Variants in DNAJC1 observed in about 807,000 individuals in gnomAD.
DNAJC1 encodes DnaJ heat shock protein family (Hsp40) member C1.
DNAJC1 carries 58 observed loss-of-function variants against 76.6 expected under a neutral mutation model. The observed-to-expected ratio is 0.76, with a 90% CI of 0.61 to 0.94. The LOEUF (loss-of-function observed/expected upper bound fraction) is 0.94, where lower values mean the gene tolerates loss of function less well. Ranked by LOEUF, DNAJC1 falls within the 40% of genes least tolerant of loss-of-function variation. DNAJC1 has a pLI of 0.00. For missense variants in DNAJC1, 689 were observed against 677.3 expected (o/e 1.02, Z -0.19); for synonymous variants, 258 against 267.9 (o/e 0.96, Z 0.36).
At chr10:21,833,125 T>C (rs56285188) in intron 8 of DNAJC1, among the ~76,000 whole-genome samples, 5 of 152,364 alleles carry the variant, frequency 3.3e-5, no homozygotes, top group African/African-American at 1.2e-4. Context: ...AATATGCTTA[T>C]TTAGCTCTTT....
intron 8 of DNAJC1, among the ~76,000 whole-genome samples, chr10:21,874,455 A>G (rs897737144): frequency 1.3e-5 from 2 of 151,952 alleles, no homozygotes; most frequent in African/African-American, 4.8e-5. Flanking sequence ...AAAGAGAGAG[A>G]TGAGGTACAA....
At chr10:21,973,009 A>C (rs1838004386) in intron 1 of DNAJC1, among the ~76,000 whole-genome samples, 1 of 152,146 alleles carries the variant, frequency 6.6e-6, no homozygotes, top group South Asian at 2.1e-4. Flanking sequence ...TAGTTAACTG[A>C]AGTAAAGAAA....
In DNAJC1 at chr10:21,875,652, G is replaced by A. The variant is rs113184594; in HGVS notation, c.978+6630C>T. ...ATTAGAATTAAAAAATAAGCTAGGC[G>A]TGGTGGCTCACACCTGTAATCCCAA... On this transcript the variant is annotated intron_variant, in intron 8 of 11. Coordinates refer to ENST00000376980, the MANE Select transcript of DNAJC1 (RefSeq NM_022365.4). 1.3e-4 allele frequency among the ~76,000 whole-genome samples: 20 copies of A among 152,286 alleles called. 1 individual carries two copies. The highest frequency in any genetic ancestry group is 2.4e-4 in the African/African-American group (10 of 41,576).
rs567967883 is a variant in DNAJC1, at chr10:21,903,162, G to A, written c.820+1360C>T. Among the ~76,000 whole-genome samples, 112 of 152,156 alleles carry A rather than the reference G, an allele frequency of 7.4e-4. No individual in the cohort carries two copies. In the East Asian group the frequency reaches 7.9e-3, roughly 11 times the overall value. Reference sequence around the variant, plus strand: ...CTGGTCTCCTGACCTCAGGTGATCCGCCCGCCTCGGCCTCCAAAAGAGCTG... The same window carrying A: ...CTGGTCTCCTGACCTCAGGTGATCCACCCGCCTCGGCCTCCAAAAGAGCTG... On this transcript the variant is annotated intron_variant, in intron 7 of 11. Coordinates refer to ENST00000376980, the MANE Select transcript of DNAJC1 (RefSeq NM_022365.4).
intron 8 of DNAJC1, among the ~76,000 whole-genome samples, chr10:21,848,317 G>A (rs948727176): frequency 2.1e-4 from 32 of 151,732 alleles, no homozygotes; most frequent in Admixed American, 2.0e-3. Flanking sequence ...ATTTGCTATT[G>A]AGTTGAGTTT....
intron 1 of DNAJC1, among the ~76,000 whole-genome samples, chr10:21,953,894 TTCC>T (rs1413168627): frequency 2.0e-5 from 3 of 151,218 alleles, no homozygotes; most frequent in Non-Finnish European, 4.4e-5. Flanking sequence ...CTTACACACT[TTCC>T]TTTGTTAGTT....
chr10:21,842,312 G>A (rs748743906), intron 8 of DNAJC1, among the ~76,000 whole-genome samples: 24 of 151,556 alleles, frequency 1.6e-4, no homozygotes, highest in South Asian at 4.1e-4. Flanking sequence ...GGATAATAGC[G>A]AAGAAAGTAT....
At position 22,003,584 on chromosome 10, in the gene DNAJC1, A is replaced by C; in HGVS notation, c.-150T>G. On this transcript the variant is annotated 5_prime_UTR_variant, in exon 1 of 12. Coordinates refer to ENST00000376980, the MANE Select transcript of DNAJC1 (RefSeq NM_022365.4). ...CGGCCCGCCAGGTGGCTGGCCCCAGACAGAGCGCGGAGGCGGCGGGAGCCG... is the reference window on the plus strand; with the variant it reads ...CGGCCCGCCAGGTGGCTGGCCCCAGCCAGAGCGCGGAGGCGGCGGGAGCCG... 2.2e-5 allele frequency: 21 copies of C among 956,988 alleles called. No individual in the cohort carries two copies. The highest frequency in any genetic ancestry group is 4.0e-5 in the South Asian group (1 of 24,920). 59.3% of individuals were successfully genotyped at this position (956,988 alleles called of 1,614,324 possible). A position where few individuals can be genotyped will look rare whatever the true frequency, so the allele number is the denominator to read the frequency against.
chr10:21,864,494 C>T (rs1251281739), intron 8 of DNAJC1, among the ~76,000 whole-genome samples: 6 of 151,296 alleles, frequency 4.0e-5, no homozygotes, highest in East Asian at 3.9e-4. Context: ...TGGTGGCATG[C>T]GCCTGTAGTC....
intron 8 of DNAJC1, among the ~76,000 whole-genome samples, chr10:21,833,093 C>T (rs2131670210): frequency 6.6e-6 from 1 of 152,310 alleles, no homozygotes; most frequent in South Asian, 2.1e-4. Context: ...GTACTTTAAA[C>T]CTCTCACAAA....
intron 3 of DNAJC1, among the ~76,000 whole-genome samples, chr10:21,925,538 A>G (rs1837113480): frequency 1.3e-5 from 2 of 152,172 alleles, no homozygotes; most frequent in Admixed American, 1.3e-4. Context: ...AACAACCCAC[A>G]TGTCCATCAA....
chr10:21,946,973 C>T (rs1397511165), intron 1 of DNAJC1, among the ~76,000 whole-genome samples: 1 of 152,150 alleles, frequency 6.6e-6, no homozygotes, highest in Admixed American at 6.5e-5. Flanking sequence ...TCATCTCTTG[C>T]TCTCTCTCAT....
At chr10:21,993,213 A>G (rs1465357426) in intron 1 of DNAJC1, among the ~76,000 whole-genome samples, 2 of 152,200 alleles carry the variant, frequency 1.3e-5, no homozygotes, top group Non-Finnish European at 2.9e-5. Flanking sequence ...CTATACACAC[A>G]TAAGTATATA....
intron 1 of DNAJC1, among the ~76,000 whole-genome samples, chr10:21,965,711 T>C (rs1323864128): frequency 6.6e-6 from 1 of 152,166 alleles, no homozygotes; most frequent in African/African-American, 2.4e-5. Flanking sequence ...CACAAACCCT[T>C]GTAGCAGAAC....
At chr10:21,838,034 C>T (rs549210563) in intron 8 of DNAJC1, among the ~76,000 whole-genome samples, 2 of 150,690 alleles carry the variant, frequency 1.3e-5, no homozygotes, top group Non-Finnish European at 3.0e-5. Flanking sequence ...GCCGCTGCCC[C>T]GTCCGGGAGG....
intron 1 of DNAJC1, among the ~76,000 whole-genome samples, chr10:21,942,703 T>C (rs909244622): frequency 1.3e-5 from 2 of 150,410 alleles, no homozygotes; most frequent in African/African-American, 4.9e-5. Flanking sequence ...CTACTCAGGA[T>C]GCTGAGGCAG....
At chr10:21,924,336 T>C (rs1327066940) in intron 3 of DNAJC1, among the ~76,000 whole-genome samples, 2 of 152,180 alleles carry the variant, frequency 1.3e-5, no homozygotes, top group African/African-American at 4.8e-5. Flanking sequence ...ACAGCATTTG[T>C]AAATGAAACG....
At chr10:21,776,540 G>A (rs922356887) in intron 9 of DNAJC1, among the ~76,000 whole-genome samples, 2 of 152,054 alleles carry the variant, frequency 1.3e-5, no homozygotes, top group African/African-American at 2.4e-5. Flanking sequence ...CAAATACAAG[G>A]CATGTTCTGT....
At chr10:21,993,527 T>TA (rs1838361687) in intron 1 of DNAJC1, among the ~76,000 whole-genome samples, 1 of 152,224 alleles carries the variant, frequency 6.6e-6, no homozygotes, top group Non-Finnish European at 1.5e-5. Context: ...TATTCTTACT[T>TA]ATGCCTACAG....
Sources: gnomAD v4.1 joint callset for allele counts (sites outside exome capture counted in the v4.1 genomes callset) on GRCh38, gnomAD v4.1.1 for gene constraint, MANE v1.5 for transcripts, NCBI Gene and HGNC (gene_info 2026-07-23, HGNC 2026-07-21) for gene names.